Variants in LRRIQ1 observed in about 807,000 individuals in gnomAD.
LRRIQ1 encodes the protein leucine-rich repeat- and IQ domain-containing protein 1.
Under a neutral mutation model 211.9 loss-of-function variants are expected in LRRIQ1, and 210 were observed. The ratio of observed to expected loss-of-function variants is 0.99; its 90% confidence interval spans 0.89 to 1.11. The LOEUF (loss-of-function observed/expected upper bound fraction) is 1.11, where lower values mean the gene tolerates loss of function less well. Among genes scored for constraint, LRRIQ1 ranks in the 50% most tolerant of loss-of-function variants. The probability of loss-of-function intolerance (pLI) is 0.00; values close to 1 mark genes in which losing one functional copy is unlikely to be tolerated. For missense variants in LRRIQ1, 2,136 were observed against 1,939.5 expected (o/e 1.10, Z -1.90); for synonymous variants, 699 against 650.1 (o/e 1.08, Z -1.14).
chr12:85,190,867 A>T (rs1357762146), intron 24 of LRRIQ1, among the ~76,000 whole-genome samples: 1 of 151,912 alleles, frequency 6.6e-6, no homozygotes, highest in Non-Finnish European at 1.5e-5. Flanking sequence ...TTTCACCTCT[A>T]GCCATATGAA....
intron 24 of LRRIQ1, among the ~76,000 whole-genome samples, chr12:85,197,807 A>T (rs1893011722): frequency 7.3e-6 from 1 of 136,760 alleles, no homozygotes; most frequent in Non-Finnish European, 1.5e-5. Flanking sequence ...GTGCACATGT[A>T]CCCTAAAACT....
Position 85,046,089 on chromosome 12 carries a change from C to T in LRRIQ1, c.406C>T (p.Pro136Ser). The change falls in exon 5 of 27, where the codon CCT (proline) becomes TCT (serine). Residue 136 changes from proline to serine, a missense_variant. Transcript: ENST00000393217. Reference sequence around the variant, plus strand: ...CGATTGTGCCACTCCTGATTTTGTTCCTGAGCCTAGTCCTCATGACTTGCC... The same window carrying T: ...CGATTGTGCCACTCCTGATTTTGTTTCTGAGCCTAGTCCTCATGACTTGCC... ...KTDCATPDFV[P>S]EPSPHDLPMD... The T allele has an allele frequency of 6.2e-7, 1 of 1,611,334 alleles. No homozygotes were observed. Among genetic ancestry groups the T allele is most frequent in the Non-Finnish European group, 8.5e-7 (1 of 1,178,264 alleles).
At chr12:85,045,942 T>C in intron 4 of LRRIQ1, 78 bp from the exon 5 acceptor site, 1 of 680,834 alleles carries the variant, frequency 1.5e-6, no homozygotes. Context: ...CATATAAATA[T>C]TTAATGTATT....
intron 1 of LRRIQ1, among the ~76,000 whole-genome samples, chr12:85,251,796 A>G (rs778519252): frequency 2.0e-5 from 3 of 149,986 alleles, no homozygotes; most frequent in South Asian, 2.1e-4. Context: ...AAAAACAGAT[A>G]TAGAGGAGAT....
intron 24 of LRRIQ1, among the ~76,000 whole-genome samples, chr12:85,194,916 A>T (rs1283906091): frequency 2.0e-5 from 3 of 152,160 alleles, no homozygotes; most frequent in African/African-American, 7.2e-5. Context: ...CAAAATTGAT[A>T]GACCGCTAGC....
At chr12:85,060,109 A>G (rs1349867582) in intron 8 of LRRIQ1, among the ~76,000 whole-genome samples, 1 of 151,862 alleles carries the variant, frequency 6.6e-6, no homozygotes, top group African/African-American at 2.4e-5. Flanking sequence ...AGCAATATCT[A>G]TTATATAGGA....
chr12:85,147,101 ACAAC>A, intron 19 of LRRIQ1, among the ~76,000 whole-genome samples: 1 of 151,838 alleles, frequency 6.6e-6, no homozygotes, highest in African/African-American at 2.4e-5. Flanking sequence ...AGCTTGTGTC[ACAAC>A]TGTCACAATC....
At chr12:85,149,521 G>C (rs963620792) in intron 19 of LRRIQ1, among the ~76,000 whole-genome samples, 8 of 151,656 alleles carry the variant, frequency 5.3e-5, no homozygotes. Flanking sequence ...TGAGTAGAAG[G>C]CTTTATTAAG....
chr12:85,086,689 T>C (rs1211963071), intron 11 of LRRIQ1, among the ~76,000 whole-genome samples: 1 of 151,828 alleles, frequency 6.6e-6, no homozygotes. Flanking sequence ...AAATATCAAA[T>C]TTGTGTAGAT....
At chr12:85,043,674 A>C (rs1879183864) in intron 3 of LRRIQ1, among the ~76,000 whole-genome samples, 1 of 151,986 alleles carries the variant, frequency 6.6e-6, no homozygotes, top group Non-Finnish European at 1.5e-5. Context: ...ACTATCTACT[A>C]GAATAAGTAA....
chr12:85,210,226 G>T (rs1487802159), intron 24 of LRRIQ1, among the ~76,000 whole-genome samples: 2 of 152,084 alleles, frequency 1.3e-5, no homozygotes, highest in Non-Finnish European at 2.9e-5. Flanking sequence ...AAAAACCACA[G>T]TATTCTATAA....
At position 85,192,592 on chromosome 12, in the gene LRRIQ1, T is replaced by C. The variant is rs1321355178; in HGVS notation, c.4822+31878T>C. ...TATATAAATATATAGTTATATACTA[T>C]AATTGTGTATATATAGTTATATACT... On this transcript the variant is annotated intron_variant, in intron 24 of 26. Coordinates refer to ENST00000393217, the MANE Select transcript of LRRIQ1 (RefSeq NM_001079910.2). 7.0e-5 allele frequency among the ~76,000 whole-genome samples: 8 copies of C among 114,130 alleles called. 1 individual carries two copies. The highest frequency in any genetic ancestry group is 3.0e-4 in the African/African-American group (8 of 26,658). The allele number at this position is 114,130 out of a possible 152,430, so 74.9% of individuals were successfully genotyped here. A position where few individuals can be genotyped will look rare whatever the true frequency, so the allele number is the denominator to read the frequency against.
rs1230998694 is a variant in LRRIQ1, at chr12:85,111,941, T to TAC, written c.3377+5327_3377+5328insCA. Among the ~76,000 whole-genome samples the TAC allele has an allele frequency of 1.3e-3, 151 of 114,776 alleles. 2 individuals are homozygous for TAC. The highest frequency in any genetic ancestry group is 0.012 in the East Asian group (57 of 4,640). 75.3% of individuals were successfully genotyped at this position (114,776 alleles called of 152,430 possible). A position where few individuals can be genotyped will look rare whatever the true frequency, so the allele number is the denominator to read the frequency against. ...TATATGGTATTAGACATTTTATATA[T>TAC]ATATACACACACACACACACACACA... On this transcript the variant is annotated intron_variant, in intron 15 of 26. Transcript: ENST00000393217.
chr12:85,063,481 C>A (rs557560047), intron 8 of LRRIQ1, among the ~76,000 whole-genome samples: 45 of 151,680 alleles, frequency 3.0e-4, no homozygotes, highest in African/African-American at 1.1e-3. Flanking sequence ...GCATAATAAT[C>A]ACATTATAGT....
In LRRIQ1 at chr12:85,055,428, T is replaced by C. The variant is rs144299324; in HGVS notation, c.754-119T>C. On this transcript the variant is annotated intron_variant, in intron 7 of 26. Coordinates refer to ENST00000393217, the MANE Select transcript of LRRIQ1 (RefSeq NM_001079910.2). ...CTTTAGTTTCTCTAAATAAATTTTATAGAAACTTTATTAAGACTTCAGTTT... is the reference window on the plus strand; with the variant it reads ...CTTTAGTTTCTCTAAATAAATTTTACAGAAACTTTATTAAGACTTCAGTTT... The C allele has an allele frequency of 5.4e-5, 43 of 793,698 alleles. No homozygotes were observed. The African/African-American group carries it at 5.8e-4, about 11-fold the overall frequency. 49.2% of individuals were successfully genotyped at this position (793,698 alleles called of 1,614,324 possible).
At chr12:85,054,684 A>G (rs532383530) in intron 7 of LRRIQ1, among the ~76,000 whole-genome samples, 170 of 151,704 alleles carry the variant, frequency 1.1e-3, no homozygotes, top group Admixed American at 2.3e-3. Context: ...CTATCCAGCC[A>G]TTCTATTTTG....
intron 3 of LRRIQ1, among the ~76,000 whole-genome samples, chr12:85,042,856 A>G (rs1348984707): frequency 1.3e-5 from 2 of 152,236 alleles, no homozygotes; most frequent in South Asian, 4.1e-4. Flanking sequence ...TAAAAGCTAT[A>G]TATTTCAGAT....
chr12:85,070,232 C>T (rs1352665396), intron 10 of LRRIQ1, among the ~76,000 whole-genome samples: 2 of 151,924 alleles, frequency 1.3e-5, no homozygotes, highest in Admixed American at 1.3e-4. Flanking sequence ...CAGTATTTGA[C>T]GATTTACTTT....
chr12:85,272,393 T>C, the LRRIQ1 span, among the ~76,000 whole-genome samples: 1 of 152,038 alleles, frequency 6.6e-6, no homozygotes, highest in Non-Finnish European at 1.5e-5. Context: ...GGCAAAAGAG[T>C]GGCTGTGTAC....
Sources: allele counts gnomAD v4.1 joint callset (sites outside exome capture counted in the v4.1 genomes callset), GRCh38; gene constraint gnomAD v4.1.1; transcripts MANE v1.5; gene names NCBI Gene and HGNC (gene_info 2026-07-23, HGNC 2026-07-21).